Variants in TEAD1 observed in about 807,000 individuals in gnomAD.
The protein encoded by TEAD1 is TEA domain transcription factor 1, also known as transcriptional enhancer factor TEF-1.
TEAD1 carries 9 observed loss-of-function variants against 54.9 expected under a neutral mutation model. The ratio of observed to expected loss-of-function variants is 0.16; its 90% confidence interval spans 0.10 to 0.29. The LOEUF is 0.29. Among genes scored for constraint, TEAD1 ranks in the 10% least tolerant of loss-of-function variants. The pLI is 1.00. For synonymous variants in TEAD1, 200 were observed against 187.8 expected, an observed-to-expected ratio of 1.07 and a Z score of -0.53; for missense variants, 387 against 535.9, an observed-to-expected ratio of 0.72 and a Z score of 2.74.
intron 2 of TEAD1, among the ~76,000 whole-genome samples, chr11:12,729,091 A>T (rs1351783818): frequency 6.6e-6 from 1 of 152,240 alleles, no homozygotes; most frequent in African/African-American, 2.4e-5. Flanking sequence ...ATTCAGTGAC[A>T]TCTGCTAGAA....
At chr11:12,823,083 G>T (rs1946584944) in intron 3 of TEAD1, among the ~76,000 whole-genome samples, 1 of 152,090 alleles carries the variant, frequency 6.6e-6, no homozygotes, top group Admixed American at 6.5e-5. Flanking sequence ...CATTCCCCCA[G>T]CACATCTCAT....
At chr11:12,772,736 A>C (rs1412340374) in intron 3 of TEAD1, among the ~76,000 whole-genome samples, 2 of 152,050 alleles carry the variant, frequency 1.3e-5, no homozygotes, top group East Asian at 3.9e-4. Context: ...GCAAAACTGG[A>C]GTGTAATATT....
intron 2 of TEAD1, among the ~76,000 whole-genome samples, chr11:12,690,261 A>T (rs4553349): frequency 0.16 from 23,177 of 143,570 alleles, 2,213 homozygotes; most frequent in South Asian, 0.25. Context: ...AAAAAAAAAA[A>T]AATAATAAGC....
intron 10 of TEAD1, among the ~76,000 whole-genome samples, chr11:12,915,184 C>T (rs745420519): frequency 9.9e-5 from 15 of 152,134 alleles, no homozygotes; most frequent in African/African-American, 1.9e-4. Flanking sequence ...CCCTGCCTCG[C>T]GCCTTAGAGG....
chr11:12,876,849 G>A (rs1262615260), intron 5 of TEAD1, among the ~76,000 whole-genome samples: 1 of 152,286 alleles, frequency 6.6e-6, no homozygotes, highest in South Asian at 2.1e-4. Context: ...GGTGTGACTA[G>A]GGCCATGGTT....
intron 2 of TEAD1, among the ~76,000 whole-genome samples, chr11:12,743,222 A>G (rs1304454580): frequency 1.3e-5 from 2 of 152,252 alleles, no homozygotes; most frequent in Non-Finnish European, 2.9e-5. Flanking sequence ...AGGTAAAGGT[A>G]GAGATCATAC....
intron 3 of TEAD1, among the ~76,000 whole-genome samples, chr11:12,789,687 C>CCTGGG: frequency 6.6e-6 from 1 of 152,348 alleles, no homozygotes; most frequent in African/African-American, 2.4e-5. Context: ...CCGAGAGTCT[C>CCTGGG]CTGGGCTGCA....
intron 3 of TEAD1, among the ~76,000 whole-genome samples, chr11:12,806,347 A>G (rs1445049898): frequency 1.3e-5 from 2 of 152,186 alleles, no homozygotes; most frequent in African/African-American, 4.8e-5. Context: ...GCATACTCAC[A>G]CCTGTGACAC....
chr11:12,840,491 T>G, intron 3 of TEAD1, among the ~76,000 whole-genome samples: 1 of 152,118 alleles, frequency 6.6e-6, no homozygotes, highest in Non-Finnish European at 1.5e-5. Flanking sequence ...TGTACTGGGG[T>G]TGATCGTTTC....
intron 3 of TEAD1, among the ~76,000 whole-genome samples, chr11:12,786,780 T>A (rs1437174435): frequency 6.6e-6 from 1 of 152,060 alleles, no homozygotes; most frequent in Non-Finnish European, 1.5e-5. Flanking sequence ...AAGGAAGATA[T>A]GTAAGTATGT....
chr11:12,785,254 T>G (rs1945654015), intron 3 of TEAD1, among the ~76,000 whole-genome samples: 1 of 152,032 alleles, frequency 6.6e-6, no homozygotes, highest in South Asian at 2.1e-4. Context: ...GCTGGAGGGA[T>G]CTGGAGAGAT....
intron 2 of TEAD1, among the ~76,000 whole-genome samples, chr11:12,758,960 CAG>C (rs1564930434): frequency 1.3e-5 from 2 of 152,128 alleles, no homozygotes; most frequent in Admixed American, 6.5e-5. Flanking sequence ...CTGTGTTACT[CAG>C]GGGGACAGAG....
intron 3 of TEAD1, among the ~76,000 whole-genome samples, chr11:12,842,493 A>G (rs1403549681): frequency 6.6e-6 from 1 of 152,170 alleles, no homozygotes; most frequent in South Asian, 2.1e-4. Context: ...GAACTTCCGG[A>G]GATACTCTTA....
chr11:12,798,158 A>G (rs576384323), intron 3 of TEAD1, among the ~76,000 whole-genome samples: 11 of 152,234 alleles, frequency 7.2e-5, no homozygotes, highest in Non-Finnish European at 4.4e-5. Flanking sequence ...TGCCTCCTGC[A>G]CACATGCTCT....
At chr11:12,911,441 C>G (rs1016909744) in intron 10 of TEAD1, among the ~76,000 whole-genome samples, 1 of 152,160 alleles carries the variant, frequency 6.6e-6, no homozygotes, top group Non-Finnish European at 1.5e-5. Context: ...AATACGAAAT[C>G]GTTTGCTTTC....
At chr11:12,894,960 T>C (rs1564981087) in intron 9 of TEAD1, among the ~76,000 whole-genome samples, 1 of 152,234 alleles carries the variant, frequency 6.6e-6, no homozygotes, top group Non-Finnish European at 1.5e-5. Flanking sequence ...TAAGTATACA[T>C]ATTTCCACTA....
At chr11:12,776,242 A>C (rs773637488) in intron 3 of TEAD1, among the ~76,000 whole-genome samples, 9 of 152,176 alleles carry the variant, frequency 5.9e-5, no homozygotes, top group African/African-American at 1.9e-4. Flanking sequence ...CATAATTCCA[A>C]CATTCATGTA....
intron 3 of TEAD1, among the ~76,000 whole-genome samples, chr11:12,808,960 G>C (rs1175859235): frequency 6.6e-6 from 1 of 152,180 alleles, no homozygotes; most frequent in Non-Finnish European, 1.5e-5. Flanking sequence ...TAGAAGGGGA[G>C]GAGGGGAGCT....
intron 2 of TEAD1, among the ~76,000 whole-genome samples, chr11:12,751,489 G>A (rs1035201053): frequency 6.6e-6 from 1 of 152,236 alleles, no homozygotes; most frequent in Middle Eastern, 3.4e-3. Flanking sequence ...CCCAGTGGAG[G>A]GGCTTGAAGT....
Sources: gnomAD v4.1 joint callset for allele counts (sites outside exome capture counted in the v4.1 genomes callset) on GRCh38, gnomAD v4.1.1 for gene constraint, MANE v1.5 for transcripts, NCBI Gene and HGNC (gene_info 2026-07-23, HGNC 2026-07-21) for gene names.